The following ZNF277 variants were observed in gnomAD, a reference collection of about 807,000 sequenced individuals.
ZNF277 encodes the protein nuclear receptor-interacting factor 4.
ZNF277 carries 55 observed loss-of-function variants against 60.7 expected under a neutral mutation model. The observed-to-expected ratio is 0.91, with a 90% CI of 0.73 to 1.13. ZNF277 has a LOEUF of 1.13. Ranked by LOEUF, ZNF277 falls within the 50% of genes most tolerant of loss-of-function variation. The pLI is 0.00. For synonymous variants in ZNF277, 178 were observed against 179.3 expected (o/e 0.99, Z 0.06); for missense variants, 510 against 523.0 (o/e 0.98, Z 0.24).
chr7:112,300,676 T>C (rs17159444), intron 4 of ZNF277, among the ~76,000 whole-genome samples: 8,978 of 152,234 alleles, frequency 0.059, 703 homozygotes, highest in African/African-American at 0.18. Context: ...TATATTTCCT[T>C]ATGTGAAACT....
intron 11 of ZNF277, 79 bp from the exon 12 acceptor site, chr7:112,342,482 T>G: frequency 1.6e-6 from 2 of 1,252,098 alleles, no homozygotes; most frequent in South Asian, 2.1e-5. Context: ...GACAAAATTA[T>G]AGTAAATGTG....
At chr7:112,315,803 AT>A (rs1792831926) in intron 4 of ZNF277, among the ~76,000 whole-genome samples, 3 of 152,096 alleles carry the variant, frequency 2.0e-5, no homozygotes, top group African/African-American at 7.2e-5. Flanking sequence ...CTATGCTGTT[AT>A]TTTAGTGTGT....
chr7:112,263,877 T>A (rs1791488828), intron 1 of ZNF277, among the ~76,000 whole-genome samples: 1 of 152,178 alleles, frequency 6.6e-6, no homozygotes, highest in African/African-American at 2.4e-5. Context: ...CATTTTTGTG[T>A]ACAGTTTATT....
chr7:112,287,148 T>G, intron 2 of ZNF277, 74 bp downstream of exon 2: 1 of 1,507,822 alleles, frequency 6.6e-7, no homozygotes, highest in Non-Finnish European at 9.1e-7. Context: ...ATCCTAGTAC[T>G]TTGGGAGGCC....
intron 1 of ZNF277, among the ~76,000 whole-genome samples, chr7:112,221,629 T>C (rs1472412441): frequency 2.0e-5 from 3 of 152,178 alleles, no homozygotes; most frequent in Non-Finnish European, 2.9e-5. Flanking sequence ...CTGGGGGTGA[T>C]GGGAGACAGT....
chr7:112,310,995 A>C (rs1374371159), intron 4 of ZNF277, among the ~76,000 whole-genome samples: 1 of 152,106 alleles, frequency 6.6e-6, no homozygotes, highest in East Asian at 1.9e-4. Context: ...TTCGTCTGTT[A>C]ATCCAGGTTA....
intron 1 of ZNF277, among the ~76,000 whole-genome samples, chr7:112,277,991 A>G (rs1791849654): frequency 1.3e-5 from 2 of 152,198 alleles, no homozygotes; most frequent in Admixed American, 6.5e-5. Flanking sequence ...AAAAGATTGC[A>G]TTCTCCATAG....
At chr7:112,206,960 T>C (rs1332322660) in intron 1 of ZNF277, among the ~76,000 whole-genome samples, 153 bp downstream of exon 1, 1 of 152,128 alleles carries the variant, frequency 6.6e-6, no homozygotes, top group Non-Finnish European at 1.5e-5. Flanking sequence ...GCGGGATGGG[T>C]TGGAGCCGGT....
intron 5 of ZNF277, among the ~76,000 whole-genome samples, chr7:112,324,563 C>T (rs1793056727): frequency 6.6e-6 from 1 of 152,146 alleles, no homozygotes; most frequent in Admixed American, 6.5e-5. Context: ...GCCATCTCTA[C>T]TCCAAAGCCC....
At position 112,337,831 on chromosome 7, in the gene ZNF277, G is replaced by T; in HGVS notation, c.966+5G>T. ...AAGTTGTATGTCCACATGGAGGTAA[G>T]ATACCTGTATTTATTTGAATTTTGT... is the stretch of plus-strand genomic sequence containing the variant. On this transcript the variant is annotated splice_donor_5th_base_variant and intron_variant, in intron 9 of 11. Coordinates refer to ENST00000361822, the MANE Select transcript of ZNF277 (RefSeq NM_021994.3). The T allele has an allele frequency of 6.2e-7, 1 of 1,606,904 alleles. No individual in the cohort carries two copies. The highest frequency in any genetic ancestry group is 1.1e-5 in the South Asian group (1 of 90,816).
intron 1 of ZNF277, among the ~76,000 whole-genome samples, chr7:112,279,003 C>A (rs777071064): frequency 1.3e-5 from 2 of 152,134 alleles, no homozygotes; most frequent in African/African-American, 2.4e-5. Flanking sequence ...CGTTTTCCTT[C>A]TGTGACTGGC....
chr7:112,308,286 G>A (rs866905625), intron 4 of ZNF277, among the ~76,000 whole-genome samples: 26 of 151,968 alleles, frequency 1.7e-4, no homozygotes, highest in Middle Eastern at 6.8e-3. Flanking sequence ...GAGGCGAGGC[G>A]GGCAGATCAC....
chr7:112,295,400 A>G (rs1792301011), intron 2 of ZNF277, among the ~76,000 whole-genome samples: 1 of 152,036 alleles, frequency 6.6e-6, no homozygotes, highest in African/African-American at 2.4e-5. Flanking sequence ...TGTTATATTG[A>G]TATTGAATTT....
chr7:112,262,980 C>T (rs1791468786), intron 1 of ZNF277, among the ~76,000 whole-genome samples: 1 of 152,130 alleles, frequency 6.6e-6, no homozygotes, highest in East Asian at 1.9e-4. Context: ...AAGATATTTG[C>T]TCAGGGAGTG....
chr7:112,326,502 C>G (rs726422), intron 5 of ZNF277, among the ~76,000 whole-genome samples: 6,722 of 152,138 alleles, frequency 0.044, 357 homozygotes, highest in African/African-American at 0.13. Flanking sequence ...GTCTGGGCTG[C>G]CCCTGGGAAA....
At chr7:112,289,603 A>G (rs1327959135) in intron 2 of ZNF277, among the ~76,000 whole-genome samples, 2 of 152,186 alleles carry the variant, frequency 1.3e-5, no homozygotes. Context: ...CAACCCAGTT[A>G]TATGTGGTGA....
At position 112,340,931 on chromosome 7, in the gene ZNF277, T is replaced by C. The variant is rs1330086964; in HGVS notation, c.1069T>C (p.Cys357Arg). The change falls in exon 11 of 12, where the codon TGC (cysteine) becomes CGC (arginine). Residue 357 changes from cysteine (C) to arginine (R), a missense_variant. Transcript: ENST00000361822. ...VNFIRRQVHQCRCYGCHVKFK... is the reference protein window; with the variant it reads ...VNFIRRQVHQRRCYGCHVKFK... ...TTTTATTCGGAGGCAAGTTCACCAA[T>C]GCAGATGTTATGGCTGCCATGTGAA... 1 of 1,612,846 alleles carries C rather than the reference T, an allele frequency of 6.2e-7. No homozygotes were observed. The highest frequency in any genetic ancestry group is 2.2e-5 in the East Asian group (1 of 44,868).
intron 5 of ZNF277, among the ~76,000 whole-genome samples, chr7:112,327,292 C>T (rs189542430): frequency 1.2e-3 from 183 of 152,288 alleles, no homozygotes; most frequent in African/African-American, 4.1e-3. Context: ...CTAGATCCCT[C>T]GCATGCACAG....
At chr7:112,334,279 G>T (rs1243797611) in intron 7 of ZNF277, among the ~76,000 whole-genome samples, 2 of 152,012 alleles carry the variant, frequency 1.3e-5, no homozygotes, top group Non-Finnish European at 2.9e-5. Flanking sequence ...TCTGATGCAG[G>T]GGTTTGAGGG....
Sources: allele counts gnomAD v4.1 joint callset (sites outside exome capture counted in the v4.1 genomes callset), GRCh38; gene constraint gnomAD v4.1.1; transcripts MANE v1.5; gene names NCBI Gene and HGNC (gene_info 2026-07-23, HGNC 2026-07-21).